The following KIRREL3 variants were observed in gnomAD, a reference collection of about 807,000 sequenced individuals.
KIRREL3 encodes the protein kirre like nephrin family adhesion molecule 3, also known as kin of IRRE-like protein 3.
Under a neutral mutation model 89.7 loss-of-function variants are expected in KIRREL3, and 36 were observed. The ratio of observed to expected loss-of-function variants is 0.40; its 90% CI spans 0.31 to 0.53. KIRREL3 has a LOEUF of 0.53. Ranked by LOEUF, KIRREL3 falls within the 20% of genes least tolerant of loss-of-function variation. The pLI is 0.49. For synonymous variants in KIRREL3, 445 were observed against 441.4 expected (o/e 1.01, Z -0.10); for missense variants, 864 against 1,056.6 (o/e 0.82, Z 2.53).
chr11:126,751,078 G>C (rs1949319713), intron 1 of KIRREL3, among the ~76,000 whole-genome samples: 1 of 152,190 alleles, frequency 6.6e-6, no homozygotes, highest in East Asian at 1.9e-4. Context: ...TTATGTCAAT[G>C]CTGTGGAATT....
chr11:126,565,917 T>TA lies in KIRREL3; in HGVS notation c.56-3006_56-3005insT, dbSNP rs1940488257. On this transcript the variant is annotated intron_variant, in intron 1 of 16. Coordinates refer to ENST00000525144, the MANE Select transcript of KIRREL3 (RefSeq NM_032531.4). This position sits in a 1 kb window ranked among gnomAD's most constrained non-coding sequence, Gnocchi z 5.4. ...TTATTAGGAGAGAGATGATAGAACA[T>TA]GACAGAAAGAACAGGAATCTCTCTC... Among the ~76,000 whole-genome samples, 1 of 151,972 alleles carries TA rather than the reference T, an allele frequency of 6.6e-6. No individual in the cohort carries two copies. Among genetic ancestry groups the TA allele is most frequent in the Admixed American group, 6.6e-5 (1 of 15,256 alleles).
intron 1 of KIRREL3, among the ~76,000 whole-genome samples, chr11:126,922,574 G>A (rs1947397473): frequency 6.6e-6 from 1 of 151,912 alleles, no homozygotes; most frequent in Admixed American, 6.6e-5. Flanking sequence ...CACTGGCTCT[G>A]CAGACCCCTT....
Position 126,526,384 on chromosome 11 carries a change from G to T in KIRREL3, c.283+154C>A, listed in dbSNP as rs145441041. Among the ~76,000 whole-genome samples, 671 of 152,300 alleles carry T rather than the reference G, an allele frequency of 4.4e-3. 3 individuals are homozygous for T. The highest frequency in any genetic ancestry group is 7.6e-3 in the Non-Finnish European group (517 of 68,008). On this transcript the variant is annotated intron_variant, in intron 3 of 16. Coordinates refer to ENST00000525144, the MANE Select transcript of KIRREL3 (RefSeq NM_032531.4). This position sits in a 1 kb window ranked among gnomAD's most constrained non-coding sequence, Gnocchi z 5.7. ...AGAGTCTAGGGATGCTGGGTGCAGT[G>T]CTTGCCTAGCCTGACTCTGCCTGAG...
rs1940428920 is a variant in KIRREL3 at position 126,565,201 on chromosome 11, C to T, written c.56-2289G>A. On this transcript the variant is annotated intron_variant, in intron 1 of 16. Transcript: ENST00000525144. The surrounding 1 kb of genome is among the most constrained non-coding windows in gnomAD (Gnocchi z 5.4). ...AATGGAAGGGCGAACAATTCTCTTA[C>T]AGATTTAGAGAGTGTGAGCAATCTG... is the stretch of plus-strand genomic sequence containing the variant. Among the ~76,000 whole-genome samples, 1 of 152,152 alleles carries T rather than the reference C, an allele frequency of 6.6e-6. No homozygotes were observed. The highest frequency in any genetic ancestry group is 1.5e-5 in the Non-Finnish European group (1 of 68,034).
At chr11:126,835,149 A>G (rs1313103440) in intron 1 of KIRREL3, among the ~76,000 whole-genome samples, 1 of 152,206 alleles carries the variant, frequency 6.6e-6, no homozygotes, top group Non-Finnish European at 1.5e-5. Flanking sequence ...ATGACACCCC[A>G]TGCAGAAAAC....
chr11:126,561,399 T>C lies in KIRREL3; in HGVS notation c.133+1436A>G, dbSNP rs969115340. Among the ~76,000 whole-genome samples, 2 of 152,208 alleles carry C rather than the reference T, an allele frequency of 1.3e-5. No individual in the cohort carries two copies. Among genetic ancestry groups the C allele is most frequent in the African/African-American group, 4.8e-5 (2 of 41,450 alleles). ...TTTCAATTCCAGCCCAGCTCCTGAC[T>C]TTTTGGCTTCCCCAATCCCTACAAA... is the stretch of plus-strand genomic sequence containing the variant. On this transcript the variant is annotated intron_variant, in intron 2 of 16. Coordinates refer to ENST00000525144, the MANE Select transcript of KIRREL3 (RefSeq NM_032531.4). The surrounding 1 kb of genome is among the most constrained non-coding windows in gnomAD (Gnocchi z 4.5).
At chr11:126,737,613 C>T (rs754148004) in intron 1 of KIRREL3, among the ~76,000 whole-genome samples, 3 of 152,170 alleles carry the variant, frequency 2.0e-5, no homozygotes, top group South Asian at 2.1e-4. Flanking sequence ...GAGAGACTCT[C>T]GAGACACACA....
chr11:126,526,774 C>A lies in KIRREL3; in HGVS notation c.134-87G>T. On this transcript the variant is annotated intron_variant, in intron 2 of 16. Transcript: ENST00000525144. The surrounding 1 kb of genome is among the most constrained non-coding windows in gnomAD (Gnocchi z 5.7). ...CTCCAGCTATGGAAGCAGAGCAGGG[C>A]TGGCGCAGGAGACTGAGCCTCCTGA... is the stretch of plus-strand genomic sequence containing the variant. 1 of 1,426,442 alleles carries A rather than the reference C, an allele frequency of 7.0e-7. No individual in the cohort carries two copies. Among genetic ancestry groups the A allele is most frequent in the South Asian group, 1.3e-5 (1 of 74,974 alleles). The allele number at this position is 1,426,442 out of a possible 1,614,324, so 88.4% of individuals were successfully genotyped here. A position where few individuals can be genotyped will look rare whatever the true frequency, so the allele number is the denominator to read the frequency against.
intron 1 of KIRREL3, among the ~76,000 whole-genome samples, chr11:126,982,036 C>A (rs1591421440): frequency 6.6e-6 from 1 of 152,152 alleles, no homozygotes; most frequent in African/African-American, 2.4e-5. Flanking sequence ...GGATTATAAT[C>A]ATTCTCAGGC....
At chr11:126,461,062 G>T (rs781418795) in intron 6 of KIRREL3, among the ~76,000 whole-genome samples, 1 of 152,230 alleles carries the variant, frequency 6.6e-6, no homozygotes, top group Non-Finnish European at 1.5e-5. Context: ...TGGACAGAGA[G>T]CTCTGATCCG....
intron 9 of KIRREL3, among the ~76,000 whole-genome samples, chr11:126,446,281 T>C (rs4078209): frequency 1.8e-4 from 18 of 97,574 alleles, no homozygotes; most frequent in African/African-American, 5.6e-4. Flanking sequence ...TTTCTTTTCT[T>C]TCTCCTTTCT....
At chr11:126,672,375 A>G (rs551389193) in intron 1 of KIRREL3, among the ~76,000 whole-genome samples, 1 of 152,220 alleles carries the variant, frequency 6.6e-6, no homozygotes, top group Non-Finnish European at 1.5e-5. Context: ...TTATAAATCC[A>G]TATAGTGGGA....
chr11:126,463,437 G>C lies in KIRREL3; in HGVS notation c.592-130C>G, dbSNP rs1007400800. ...GTGGATGGAGGGGTTCAGCTTAGGA[G>C]ACCTGGGCTGCCCATGTCTACGCAG... On this transcript the variant is annotated intron_variant, in intron 5 of 16. Coordinates refer to ENST00000525144, the MANE Select transcript of KIRREL3 (RefSeq NM_032531.4). This position sits in a 1 kb window ranked among gnomAD's most constrained non-coding sequence, Gnocchi z 5.9. 15 of 916,880 alleles carry C rather than the reference G, an allele frequency of 1.6e-5. No homozygotes were observed. Among genetic ancestry groups the C allele is most frequent in the Non-Finnish European group, 2.3e-5 (14 of 616,516 alleles). 56.8% of individuals were successfully genotyped at this position (916,880 alleles called of 1,614,324 possible). A position where few individuals can be genotyped will look rare whatever the true frequency, so the allele number is the denominator to read the frequency against.
rs1344108549 is a variant in KIRREL3, at chr11:126,491,589, C to T, written c.434-18123G>A. ...CCCATGTCTGTCCCCAGAGAGAAGA[C>T]CCAGGAGTTCAAGCATGGTGCAGAG... On this transcript the variant is annotated intron_variant, in intron 4 of 16. Transcript: ENST00000525144. This position sits in a 1 kb window ranked among gnomAD's most constrained non-coding sequence, Gnocchi z 5.5. Among the ~76,000 whole-genome samples, 2 of 152,204 alleles carry T rather than the reference C, an allele frequency of 1.3e-5. No homozygotes were observed. The highest frequency in any genetic ancestry group is 6.5e-5 in the Admixed American group (1 of 15,278).
rs567893669 is a variant in KIRREL3 at position 126,803,500 on chromosome 11, A to C, written c.55+196955T>G. ...TCTCAATCATATATATGTATTATAC[A>C]TAAAAATAAATATTTATTATTGTAC... On this transcript the variant is annotated intron_variant, in intron 1 of 16. Coordinates refer to ENST00000525144, the MANE Select transcript of KIRREL3 (RefSeq NM_032531.4). Among the ~76,000 whole-genome samples, 6 of 152,368 alleles carry C rather than the reference A, an allele frequency of 3.9e-5. No homozygotes were observed. In the South Asian group the frequency reaches 6.2e-4, roughly 16 times the overall value.
chr11:126,823,715 C>T (rs762487880), intron 1 of KIRREL3, among the ~76,000 whole-genome samples: 2 of 152,160 alleles, frequency 1.3e-5, no homozygotes, highest in Non-Finnish European at 2.9e-5. Flanking sequence ...AATTAATCTT[C>T]AGAAAGATAG....
rs1430525642 is a variant in KIRREL3, at chr11:126,558,870, G to C, written c.133+3965C>G. Among the ~76,000 whole-genome samples, 1 of 151,918 alleles carries C rather than the reference G, an allele frequency of 6.6e-6. No homozygotes were observed. The highest frequency in any genetic ancestry group is 2.0e-4 in the East Asian group (1 of 5,126). On this transcript the variant is annotated intron_variant, in intron 2 of 16. Coordinates refer to ENST00000525144, the MANE Select transcript of KIRREL3 (RefSeq NM_032531.4). The surrounding 1 kb of genome is among the most constrained non-coding windows in gnomAD (Gnocchi z 4.0). ...TGCATGTGTATACATGTGTGCAGGT[G>C]TGTGCATGCATGTGTGCATGTATAC...
intron 4 of KIRREL3, among the ~76,000 whole-genome samples, chr11:126,488,445 T>C (rs897913897): frequency 2.0e-5 from 3 of 152,220 alleles, no homozygotes; most frequent in East Asian, 1.9e-4. Context: ...AAGGAGAAGA[T>C]GTAGTAGGTC....
intron 1 of KIRREL3, among the ~76,000 whole-genome samples, chr11:126,663,598 T>C (rs1263276661): frequency 6.6e-6 from 1 of 152,196 alleles, no homozygotes; most frequent in Non-Finnish European, 1.5e-5. Flanking sequence ...TGGAAGCGTA[T>C]GCTTCTGTGC....
Sources: allele counts gnomAD v4.1 joint callset (sites outside exome capture counted in the v4.1 genomes callset), GRCh38; gene constraint gnomAD v4.1.1; non-coding constraint Gnocchi (gnomAD v3.1); transcripts MANE v1.5; gene names NCBI Gene and HGNC (gene_info 2026-07-23, HGNC 2026-07-21).